HNRNPC: variants seen among roughly 807,000 people sequenced by gnomAD.
HNRNPC encodes the protein heterogeneous nuclear ribonucleoprotein C.
In HNRNPC, 3 loss-of-function variants were observed where a neutral mutation model predicts 33.2. The observed-to-expected ratio is 0.09, with a 90% CI of 0.04 to 0.23. The LOEUF is 0.23. Ranked by LOEUF, HNRNPC falls within the 10% of genes least tolerant of loss-of-function variation. HNRNPC has a pLI of 1.00. For missense variants in HNRNPC, 143 were observed against 366.7 expected (o/e 0.39, Z 4.98); for synonymous variants, 121 against 126.7 (o/e 0.96, Z 0.30).
intron 2 of HNRNPC, among the ~76,000 whole-genome samples, chr14:21,257,653 A>G (rs776528748): frequency 2.6e-5 from 4 of 152,160 alleles, no homozygotes; most frequent in African/African-American, 4.8e-5. Flanking sequence ...TGGCGCAATC[A>G]TAACTCACAC....
At chr14:21,216,183 A>C in intron 5 of HNRNPC, among the ~76,000 whole-genome samples, 1 of 152,046 alleles carries the variant, frequency 6.6e-6, no homozygotes, top group Non-Finnish European at 1.5e-5. Context: ...AAAGCATTAC[A>C]AGACATGTAC....
intron 1 of HNRNPC, among the ~76,000 whole-genome samples, chr14:21,267,176 G>A (rs957042018): frequency 3.3e-5 from 5 of 149,478 alleles, no homozygotes; most frequent in Non-Finnish European, 5.9e-5. Context: ...TAGGCTTCTG[G>A]CAACAAAAAA....
At chr14:21,239,312 A>AGGC in intron 2 of HNRNPC, among the ~76,000 whole-genome samples, 2 of 151,262 alleles carry the variant, frequency 1.3e-5, no homozygotes. Context: ...CACCATCTGT[A>AGGC]CTAAAAATAT....
chr14:21,238,302 ATT>A (rs1594264625), intron 2 of HNRNPC, among the ~76,000 whole-genome samples: 1 of 152,240 alleles, frequency 6.6e-6, no homozygotes, highest in African/African-American at 2.4e-5. Flanking sequence ...GCAAATTATA[ATT>A]TGAGTCAAAA....
At chr14:21,255,781 T>C (rs1197156818) in intron 2 of HNRNPC, among the ~76,000 whole-genome samples, 3 of 152,214 alleles carry the variant, frequency 2.0e-5, no homozygotes, top group Non-Finnish European at 4.4e-5. Flanking sequence ...ACATATCTCT[T>C]ATGTCTTTAC....
Position 21,235,652 on chromosome 14 carries a change from C to A in HNRNPC, c.-36-1423G>T, listed in dbSNP as rs563321879. Reference sequence around the variant, plus strand: ...CTGAAATCCACCAACAGCCTTTCAGCTATTAAGTATGCCAGAAAGTCTGAG... The same window carrying A: ...CTGAAATCCACCAACAGCCTTTCAGATATTAAGTATGCCAGAAAGTCTGAG... On this transcript the variant is annotated intron_variant, in intron 2 of 8. Coordinates refer to ENST00000553300, the MANE Select transcript of HNRNPC (RefSeq NM_004500.4). Among the ~76,000 whole-genome samples the A allele has an allele frequency of 2.0e-5, 3 of 152,204 alleles. No homozygotes were observed. The South Asian group carries it at 6.2e-4, about 32-fold the overall frequency.
intron 1 of HNRNPC, among the ~76,000 whole-genome samples, chr14:21,267,368 G>A (rs1306356847): frequency 1.3e-5 from 2 of 152,066 alleles, no homozygotes; most frequent in Non-Finnish European, 2.9e-5. Flanking sequence ...TTTAAAATTA[G>A]AGCAACTAGC....
chr14:21,213,085 G>T lies in HNRNPC; in HGVS notation c.398C>A (p.Pro133His). 6.2e-7 allele frequency: 1 copy of T among 1,614,104 alleles called. No individual in the cohort carries two copies. The highest frequency in any genetic ancestry group is 8.5e-7 in the Non-Finnish European group (1 of 1,179,970). ...CACTACAGCCCGAGCAATAGGAGGAGGAGGAGGTACACGTGCTGGGTAACT... is the reference window on the plus strand; with the variant it reads ...CACTACAGCCCGAGCAATAGGAGGATGAGGAGGTACACGTGCTGGGTAACT... ...MYSYPARVPP[P>H]PPIARAVVPS... The change falls in exon 6 of 9, where the codon CCT (proline) becomes CAT (histidine). Residue 133 changes from proline (P) to histidine (H), a missense_variant. By Grantham distance (77) the Pro-to-His change is moderately conservative (BLOSUM62 -2). Around this residue, in one of 2 missense-constraint regions of HNRNPC, gnomAD observed 131 missense variants for 253.0 expected, o/e 0.52. Transcript: ENST00000553300.
At chr14:21,251,956 AAAT>A (rs1232208779) in intron 2 of HNRNPC, among the ~76,000 whole-genome samples, 2 of 152,222 alleles carry the variant, frequency 1.3e-5, no homozygotes, top group Non-Finnish European at 2.9e-5. Flanking sequence ...AGGTATAACA[AAAT>A]AATAACCTAG....
chr14:21,212,388 ACTGT>A (rs1222938011), intron 6 of HNRNPC, among the ~76,000 whole-genome samples: 1 of 152,184 alleles, frequency 6.6e-6, no homozygotes, highest in African/African-American at 2.4e-5. Context: ...CATACTGAAC[ACTGT>A]CTGAATTTTA....
chr14:21,249,041 T>C (rs921809290), intron 2 of HNRNPC, among the ~76,000 whole-genome samples: 2 of 152,234 alleles, frequency 1.3e-5, no homozygotes, highest in Non-Finnish European at 2.9e-5. Context: ...GAAGATTACA[T>C]ACCAAGGTGA....
At chr14:21,231,311 G>T (rs954258031) in intron 3 of HNRNPC, 18 of 613,460 alleles carry the variant, frequency 2.9e-5, no homozygotes, top group African/African-American at 2.9e-4. Flanking sequence ...TACAAACTAC[G>T]AAGTTTAGAA....
intron 5 of HNRNPC, among the ~76,000 whole-genome samples, chr14:21,223,709 C>G (rs1445975057): frequency 6.6e-6 from 1 of 152,026 alleles, no homozygotes; most frequent in African/African-American, 2.4e-5. Context: ...TGATGCGCCA[C>G]TGCACTCGAG....
intron 2 of HNRNPC, among the ~76,000 whole-genome samples, chr14:21,243,694 A>T (rs1895628075): frequency 6.6e-6 from 1 of 152,224 alleles, no homozygotes; most frequent in Admixed American, 6.5e-5. Flanking sequence ...ATGGGACGGT[A>T]GGTCCCTATA....
At chr14:21,265,194 G>A (rs1878775606) in intron 1 of HNRNPC, 1 of 152,162 alleles carries the variant, frequency 6.6e-6, no homozygotes, top group Admixed American at 6.5e-5. Flanking sequence ...AGTTTGTGAA[G>A]AATTGTAAGA....
intron 2 of HNRNPC, among the ~76,000 whole-genome samples, chr14:21,252,398 C>A (rs758205004): frequency 6.6e-5 from 10 of 152,296 alleles, no homozygotes; most frequent in African/African-American, 2.4e-4. Flanking sequence ...GCAACCTCTG[C>A]CTCCTGAGTT....
intron 5 of HNRNPC, among the ~76,000 whole-genome samples, chr14:21,217,862 G>A (rs774819144): frequency 5.9e-5 from 9 of 152,096 alleles, no homozygotes; most frequent in Non-Finnish European, 1.2e-4. Flanking sequence ...TGTCTTGATG[G>A]TTTCATTAGG....
chr14:21,217,752 G>T (rs141297054), intron 5 of HNRNPC, among the ~76,000 whole-genome samples: 74 of 152,162 alleles, frequency 4.9e-4, no homozygotes, highest in African/African-American at 1.8e-3. Flanking sequence ...ATTGAAAATG[G>T]CTCCACGAAG....
chr14:21,211,909 G>C lies in HNRNPC; in HGVS notation c.538C>G (p.Leu180Val). ...SKSGKLKGDD[L>V]QAIKKELTQI... ...GTCAGCTCCTTCTTAATGGCCTGAA[G>C]GTCATCTCCTTTCACTTTAATATAA... is the stretch of plus-strand genomic sequence containing the variant. The change falls in exon 7 of 9, where the codon CTT becomes GTT. Residue 180 changes from leucine to valine, a missense_variant. This residue lies in a region of HNRNPC where 131 missense variants were observed against 253.0 expected (regional missense o/e 0.52). Transcript: ENST00000553300. The C allele has an allele frequency of 1.2e-6, 2 of 1,612,210 alleles. No homozygotes were observed. Among genetic ancestry groups the C allele is most frequent in the Non-Finnish European group, 1.7e-6 (2 of 1,178,524 alleles).
Sources: allele counts gnomAD v4.1 joint callset (sites outside exome capture counted in the v4.1 genomes callset), GRCh38; gene constraint gnomAD v4.1.1; regional missense constraint gnomAD v4.1.1; transcripts MANE v1.5; gene names NCBI Gene and HGNC (gene_info 2026-07-23, HGNC 2026-07-21).